Variants in COL4A5 observed in about 807,000 individuals in gnomAD.
COL4A5 encodes the protein collagen type IV alpha 5 chain, also known as collagen alpha-5(IV) chain.
A neutral mutation model predicts 130.2 loss-of-function variants in COL4A5; 26 were observed. The observed-to-expected ratio is 0.20, with a 90% CI of 0.15 to 0.28. The LOEUF (loss-of-function observed/expected upper bound fraction) is 0.28. COL4A5 is among the 10% of genes least tolerant of loss of function. The pLI, the probability that COL4A5 is intolerant of heterozygous loss-of-function variation, is 1.00. For synonymous variants in COL4A5, 496 were observed against 439.6 expected (o/e 1.13, Z -1.60); for missense variants, 1,131 against 1,344.3 (o/e 0.84, Z 2.48).
At position 108,615,275 on chromosome X, in the gene COL4A5, T is replaced by A. The variant is rs1190907413; in HGVS notation, c.2509+251T>A. ...TAATACAATTGCAGTGTATTATTGA[T>A]ATGTAATTGTTGAGTTAGACATGGT... On this transcript the variant is annotated intron_variant, in intron 30 of 52. Transcript: ENST00000328300. Among the ~76,000 whole-genome samples, 6 of 111,894 alleles carry A rather than the reference T, an allele frequency of 5.4e-5. No individual in the cohort carries two copies. The East Asian group carries it at 1.7e-3, about 31-fold the overall frequency.
chrX:108,629,899 A>G (rs973105022), intron 36 of COL4A5, among the ~76,000 whole-genome samples: 1 of 110,765 alleles, frequency 9.0e-6, no homozygotes, highest in East Asian at 2.9e-4. Context: ...ATGAGTGAGA[A>G]CATGCGGTGT....
At chrX:108,579,109 A>T (rs1410647978) in intron 13 of COL4A5, among the ~76,000 whole-genome samples, 1 of 111,806 alleles carries the variant, frequency 8.9e-6, no homozygotes, top group African/African-American at 3.3e-5. Flanking sequence ...GTGCAATCTA[A>T]CTTTAGAAAA....
chrX:108,617,709 T>G (rs1035901771), intron 30 of COL4A5, among the ~76,000 whole-genome samples: 3 of 112,163 alleles, frequency 2.7e-5, no homozygotes, highest in African/African-American at 9.7e-5. Context: ...CTTACTGAAT[T>G]TTTTTAGAGA....
At position 108,518,860 on chromosome X, in the gene COL4A5, A is replaced by T. The variant is rs535818457; in HGVS notation, c.82-20886A>T. ...TCCCTAATTTAATTTTTTAAGAAAG[A>T]CACTTATGACAGCGAGAAGAAAACG... On this transcript the variant is annotated intron_variant, in intron 1 of 52. Transcript: ENST00000328300. Among the ~76,000 whole-genome samples the T allele has an allele frequency of 5.9e-4, 66 of 111,295 alleles. 1 individual carries two copies. Among genetic ancestry groups the T allele is most frequent in the East Asian group, 3.7e-3 (13 of 3,552 alleles).
At chrX:108,500,435 T>C (rs181496992) in intron 1 of COL4A5, among the ~76,000 whole-genome samples, 100 of 112,279 alleles carry the variant, frequency 8.9e-4, no homozygotes, top group African/African-American at 3.1e-3. Context: ...TTTAGAGCAT[T>C]GAAGGCTACG....
chrX:108,576,108 G>C, intron 10 of COL4A5, 136 bp downstream of exon 10: 3 of 473,105 alleles, frequency 6.3e-6, no homozygotes, highest in Non-Finnish European at 7.4e-6. Context: ...ATGTAAAGGT[G>C]ACTTTACAAT....
chrX:108,598,138 C>A (rs759102839), intron 24 of COL4A5, among the ~76,000 whole-genome samples: 2 of 110,711 alleles, frequency 1.8e-5, no homozygotes, highest in Non-Finnish European at 3.8e-5. Context: ...TTGCAGTGAG[C>A]CGAGATTGCA....
chrX:108,526,600 CTTTCT>C (rs1396369990), intron 1 of COL4A5, among the ~76,000 whole-genome samples: 1,053 of 23,226 alleles, frequency 0.045, 28 homozygotes, highest in African/African-American at 0.064. Flanking sequence ...TCCCTCCTTT[CTTTCT>C]TTCTTTCTTT....
intron 28 of COL4A5, among the ~76,000 whole-genome samples, chrX:108,603,688 G>A (rs1458181070): frequency 9.0e-6 from 1 of 111,310 alleles, no homozygotes; most frequent in East Asian, 2.8e-4. Context: ...CAACAATGAA[G>A]TTTGCCACAT....
chrX:108,477,658 A>G (rs1221288029), intron 1 of COL4A5, among the ~76,000 whole-genome samples: 1 of 109,273 alleles, frequency 9.2e-6, no homozygotes, highest in African/African-American at 3.3e-5. Context: ...TCTACTAAAA[A>G]TATAAAAATG....
chrX:108,554,654 A>G (rs1357378664), intron 2 of COL4A5, among the ~76,000 whole-genome samples: 1 of 111,667 alleles, frequency 9.0e-6, no homozygotes, highest in Non-Finnish European at 1.9e-5. Flanking sequence ...TGAGCCCAGG[A>G]GTTTGATATC....
In COL4A5 at chrX:108,668,398, C is replaced by T. The variant is rs369744863; in HGVS notation, c.3684C>T (p.His1228=). ...GTCCAAAGGGCGAACCAGGCTTTCA[C>T]GGTTTCCCTGGTGTGCAGGGTCCCC... is the stretch of plus-strand genomic sequence containing the variant. The part of the protein sequence containing the change: ...LPGPKGEPGF[H]GFPGVQGPPG... The change falls in exon 41 of 53, where the codon CAC becomes CAT. Residue 1228 remains histidine, a synonymous_variant. Coordinates refer to ENST00000328300, the MANE Select transcript of COL4A5 (RefSeq NM_033380.3). The T allele has an allele frequency of 2.0e-5, 24 of 1,209,092 alleles. No individual in the cohort carries two copies. Among genetic ancestry groups the T allele is most frequent in the Non-Finnish European group, 2.2e-5 (20 of 894,639 alleles).
intron 34 of COL4A5, among the ~76,000 whole-genome samples, chrX:108,624,643 A>G: frequency 8.9e-6 from 1 of 112,397 alleles, no homozygotes; most frequent in Non-Finnish European, 1.9e-5. Context: ...TGCAAAATAT[A>G]TAAATGAGAC....
chrX:108,472,977 G>A (rs1465986211), intron 1 of COL4A5, among the ~76,000 whole-genome samples: 1 of 111,780 alleles, frequency 8.9e-6, no homozygotes, highest in Non-Finnish European at 1.9e-5. Flanking sequence ...GGTGTGGGGT[G>A]TTATTGTGGT....
At chrX:108,448,345 A>T (rs1236396532) in intron 1 of COL4A5, among the ~76,000 whole-genome samples, 2 of 112,679 alleles carry the variant, frequency 1.8e-5, no homozygotes, top group Non-Finnish European at 3.7e-5. Context: ...GTAATAAAAT[A>T]AGACTTCAAG....
At position 108,697,300 on chromosome X, in the gene COL4A5, C is replaced by A. The variant is rs1412289368; in HGVS notation, c.*922C>A. 9.0e-6 allele frequency: 1 copy of A among 110,837 alleles called. No individual in the cohort carries two copies. The highest frequency in any genetic ancestry group is 1.9e-5 in the Non-Finnish European group (1 of 53,008). The allele number at this position is 110,837 out of a possible 1,213,427, so 9.1% of individuals were successfully genotyped here. A position where few individuals can be genotyped will look rare whatever the true frequency, so the allele number is the denominator to read the frequency against. ...AAACACACACGCAGAATTAACAATTCTTTTCCCTGTGCTTCTTATGTAAGA... is the reference window on the plus strand; with the variant it reads ...AAACACACACGCAGAATTAACAATTATTTTCCCTGTGCTTCTTATGTAAGA... On this transcript the variant is annotated 3_prime_UTR_variant, in exon 53 of 53. Coordinates refer to ENST00000328300, the MANE Select transcript of COL4A5 (RefSeq NM_033380.3).
intron 1 of COL4A5, among the ~76,000 whole-genome samples, chrX:108,513,356 A>G (rs774546060): frequency 8.9e-6 from 1 of 111,780 alleles, no homozygotes. Context: ...ATTCCCATCA[A>G]TCAAGTATGA....
At chrX:108,598,952 C>A in intron 25 of COL4A5, 82 bp downstream of exon 25, 2 of 995,886 alleles carry the variant, frequency 2.0e-6, no homozygotes, top group Non-Finnish European at 2.8e-6. Flanking sequence ...GCTTCCTTTC[C>A]CGAGAGGTGT....
chrX:108,516,741 A>G (rs1414587718), intron 1 of COL4A5, among the ~76,000 whole-genome samples: 1 of 111,926 alleles, frequency 8.9e-6, no homozygotes, highest in South Asian at 3.7e-4. Flanking sequence ...CTAGCTTAAA[A>G]TCTGATGATT....
Sources: allele counts gnomAD v4.1 joint callset (sites outside exome capture counted in the v4.1 genomes callset), GRCh38; gene constraint gnomAD v4.1.1; transcripts MANE v1.5; gene names NCBI Gene and HGNC (gene_info 2026-07-23, HGNC 2026-07-21).